The following SPOCK3 variants were observed in gnomAD, a reference collection of about 807,000 sequenced individuals.
The protein encoded by SPOCK3 is testican-3.
A neutral mutation model predicts 56.6 loss-of-function variants in SPOCK3; 30 were observed. The ratio of observed to expected loss-of-function variants is 0.53; its 90% CI spans 0.40 to 0.72. SPOCK3 has a LOEUF of 0.72. Among genes scored for constraint, SPOCK3 ranks in the 30% least tolerant of loss-of-function variants. The pLI is 0.00. For missense variants in SPOCK3, 527 were observed against 530.0 expected (o/e 0.99, Z 0.06); for synonymous variants, 196 against 183.3 (o/e 1.07, Z -0.56).
intron 6 of SPOCK3, among the ~76,000 whole-genome samples, chr4:166,844,530 A>G (rs1747851376): frequency 6.6e-6 from 1 of 152,182 alleles, no homozygotes; most frequent in Non-Finnish European, 1.5e-5. Context: ...TCGTCCAATC[A>G]GCTGAAGACC....
At chr4:166,735,178 AT>A (rs1560799965) in intron 10 of SPOCK3, 88 bp from the exon 11 acceptor site, 1 of 805,906 alleles carries the variant, frequency 1.2e-6, no homozygotes, top group Non-Finnish European at 1.9e-6. Flanking sequence ...AATTAAGAAT[AT>A]TTTTTAGAAA....
chr4:167,144,678 T>A, intron 2 of SPOCK3, among the ~76,000 whole-genome samples: 1 of 144,114 alleles, frequency 6.9e-6, no homozygotes, highest in South Asian at 2.2e-4. Context: ...ACAGGACAGG[T>A]CCCACTGAAA....
chr4:166,821,644 A>T (rs2126762932), intron 6 of SPOCK3, among the ~76,000 whole-genome samples: 1 of 152,218 alleles, frequency 6.6e-6, no homozygotes, highest in Non-Finnish European at 1.5e-5. Context: ...ACATAGATGA[A>T]CCTCAAAAAA....
chr4:167,086,201 G>A (rs1409154473), intron 2 of SPOCK3, among the ~76,000 whole-genome samples: 1 of 151,904 alleles, frequency 6.6e-6, no homozygotes, highest in African/African-American at 2.4e-5. Flanking sequence ...GAAAATCTGT[G>A]GGAAATAATA....
intron 2 of SPOCK3, among the ~76,000 whole-genome samples, chr4:167,201,901 T>G (rs999927054): frequency 1.3e-5 from 2 of 151,940 alleles, no homozygotes; most frequent in African/African-American, 2.4e-5. Flanking sequence ...TGACTTCTTT[T>G]GGAGCAAATT....
chr4:167,173,659 G>A (rs1021536386), intron 2 of SPOCK3, among the ~76,000 whole-genome samples: 12 of 152,192 alleles, frequency 7.9e-5, no homozygotes, highest in South Asian at 2.1e-4. Context: ...TCGAACAGGC[G>A]TATTTGAGTG....
intron 2 of SPOCK3, among the ~76,000 whole-genome samples, chr4:167,093,338 A>C (rs1458426347): frequency 6.6e-6 from 1 of 152,170 alleles, no homozygotes; most frequent in African/African-American, 2.4e-5. Flanking sequence ...ACATGTGCAG[A>C]ACATGCAGGT....
At chr4:167,233,905 C>G in intron 2 of SPOCK3, 80 bp downstream of exon 2, 2 of 1,268,148 alleles carry the variant, frequency 1.6e-6, no homozygotes, top group Non-Finnish European at 2.3e-6. Context: ...AGCCCACTCC[C>G]CACCCACATC....
At chr4:166,936,865 C>T (rs1034345966) in intron 4 of SPOCK3, among the ~76,000 whole-genome samples, 3 of 151,916 alleles carry the variant, frequency 2.0e-5, no homozygotes, top group Admixed American at 6.6e-5. Flanking sequence ...CTCACTAACA[C>T]GAATTTATCT....
intron 2 of SPOCK3, among the ~76,000 whole-genome samples, chr4:167,211,260 T>C (rs1351044930): frequency 2.0e-5 from 3 of 152,128 alleles, no homozygotes; most frequent in African/African-American, 7.2e-5. Context: ...CTGTTGTATC[T>C]AGGAAGTAAC....
chr4:166,747,579 C>G, intron 8 of SPOCK3, among the ~76,000 whole-genome samples: 1 of 152,160 alleles, frequency 6.6e-6, no homozygotes, highest in East Asian at 1.9e-4. Context: ...TGGCACAAGA[C>G]AGGGATGCCT....
chr4:166,985,253 C>A (rs1747021747), intron 4 of SPOCK3, among the ~76,000 whole-genome samples: 1 of 152,042 alleles, frequency 6.6e-6, no homozygotes, highest in African/African-American at 2.4e-5. Context: ...GAATAAAAAT[C>A]AGAATAGAAA....
chr4:167,144,980 A>G (rs1012556631), intron 2 of SPOCK3, among the ~76,000 whole-genome samples: 1 of 151,942 alleles, frequency 6.6e-6, no homozygotes, highest in African/African-American at 2.4e-5. Flanking sequence ...TATTTTCAGA[A>G]GGACCACTCG....
At chr4:167,062,634 A>AT (rs1755725173) in intron 2 of SPOCK3, 97 bp from the exon 3 acceptor site, 2 of 873,978 alleles carry the variant, frequency 2.3e-6, no homozygotes, top group East Asian at 5.0e-5. Flanking sequence ...CAGAAGCTGT[A>AT]TACAAACCTC....
At chr4:166,937,205 A>G (rs976509641) in intron 4 of SPOCK3, among the ~76,000 whole-genome samples, 2 of 152,012 alleles carry the variant, frequency 1.3e-5, no homozygotes, top group African/African-American at 4.8e-5. Context: ...AGCAGAAACC[A>G]TAACTTCAAT....
At chr4:166,989,380 T>C (rs868795571) in intron 4 of SPOCK3, among the ~76,000 whole-genome samples, 7 of 152,106 alleles carry the variant, frequency 4.6e-5, no homozygotes, top group African/African-American at 1.7e-4. Context: ...CTTAAATTAA[T>C]ATAATTTATA....
chr4:166,841,338 GAATAAT>G (rs750932085), intron 6 of SPOCK3, among the ~76,000 whole-genome samples: 1 of 152,026 alleles, frequency 6.6e-6, no homozygotes, highest in African/African-American at 2.4e-5. Context: ...CACAGAATAA[GAATAAT>G]AAGTGTAGAT....
chr4:167,090,143 A>T (rs925582053), intron 2 of SPOCK3, among the ~76,000 whole-genome samples: 2 of 152,192 alleles, frequency 1.3e-5, no homozygotes, highest in African/African-American at 4.8e-5. Context: ...AATACTTATG[A>T]GTAGGACTGC....
In SPOCK3 at chr4:166,953,256, C is replaced by T. The variant is rs549158214; in HGVS notation, c.351-40513G>A. On this transcript the variant is annotated intron_variant, in intron 4 of 10. Transcript: ENST00000357545. Reference sequence around the variant, plus strand: ...TTTACAAGAAAAAAACAAACAACCCCATCAAAAAGTGGGCGAAGGACATGA... The same window carrying T: ...TTTACAAGAAAAAAACAAACAACCCTATCAAAAAGTGGGCGAAGGACATGA... Among the ~76,000 whole-genome samples, 36 of 152,126 alleles carry T rather than the reference C, an allele frequency of 2.4e-4. 1 individual carries two copies. In the Middle Eastern group the frequency reaches 0.01, roughly 43 times the overall value.
Sources: gnomAD v4.1 joint callset for allele counts (sites outside exome capture counted in the v4.1 genomes callset) on GRCh38, gnomAD v4.1.1 for gene constraint, MANE v1.5 for transcripts, NCBI Gene and HGNC (gene_info 2026-07-23, HGNC 2026-07-21) for gene names.